GPM6A: variants seen among roughly 807,000 people sequenced by gnomAD.
GPM6A encodes the protein neuronal membrane glycoprotein M6-a.
In GPM6A, 7 loss-of-function variants were observed where a neutral mutation model predicts 32.1. The observed-to-expected ratio is 0.22, with a 90% CI of 0.12 to 0.41. The LOEUF is 0.41. Ranked by LOEUF, GPM6A falls within the 10% of genes least tolerant of loss-of-function variation. The probability of loss-of-function intolerance (pLI) is 1.00; values close to 1 mark genes in which losing one functional copy is unlikely to be tolerated. For synonymous variants in GPM6A, 130 were observed against 123.4 expected, an observed-to-expected ratio of 1.05 and a Z score of -0.35; for missense variants, 235 against 347.2, an observed-to-expected ratio of 0.68 and a Z score of 2.57.
At chr4:175,687,660 T>A (rs1744060765) in intron 2 of GPM6A, among the ~76,000 whole-genome samples, 1 of 152,176 alleles carries the variant, frequency 6.6e-6, no homozygotes, top group Non-Finnish European at 1.5e-5. Context: ...CTCTTCAAGA[T>A]CCTGATATGA....
intron 1 of GPM6A, among the ~76,000 whole-genome samples, chr4:175,984,030 C>G (rs1430214316): frequency 6.6e-6 from 1 of 151,982 alleles, no homozygotes; most frequent in African/African-American, 2.4e-5. Flanking sequence ...CTGTCACACA[C>G]ACACACACAC....
chr4:175,675,103 C>A (rs959300717), intron 2 of GPM6A, among the ~76,000 whole-genome samples: 1 of 151,992 alleles, frequency 6.6e-6, no homozygotes, highest in Non-Finnish European at 1.5e-5. Flanking sequence ...GAATGAAGAT[C>A]ATTTGCATTC....
At chr4:175,913,973 G>A (rs889411216) in intron 1 of GPM6A, among the ~76,000 whole-genome samples, 3 of 152,126 alleles carry the variant, frequency 2.0e-5, no homozygotes, top group African/African-American at 7.2e-5. Flanking sequence ...AAGTGTCTGA[G>A]ACAGGTCTCA....
intron 2 of GPM6A, among the ~76,000 whole-genome samples, chr4:175,695,015 G>C (rs914272985): frequency 1.3e-5 from 2 of 152,192 alleles, no homozygotes; most frequent in African/African-American, 4.8e-5. Context: ...TGCTTCAGAG[G>C]GTGCAAACCA....
At chr4:175,637,972 C>T (rs1375182111) in intron 6 of GPM6A, among the ~76,000 whole-genome samples, 1 of 142,426 alleles carries the variant, frequency 7.0e-6, no homozygotes, top group African/African-American at 2.6e-5. Context: ...CCTCATGGTT[C>T]TTACAAGCAT....
At chr4:175,731,858 A>G (rs1182489978) in intron 1 of GPM6A, among the ~76,000 whole-genome samples, 1 of 151,984 alleles carries the variant, frequency 6.6e-6, no homozygotes, top group Non-Finnish European at 1.5e-5. Flanking sequence ...CTCCTCATGC[A>G]TGACAGGGAT....
At chr4:175,669,958 A>G (rs77972086) in intron 3 of GPM6A, among the ~76,000 whole-genome samples, 2,115 of 152,132 alleles carry the variant, frequency 0.014, 47 homozygotes, top group South Asian at 0.1. Flanking sequence ...AGCCAACCAG[A>G]AGGTAGGGGA....
At chr4:175,813,731 G>T (rs1560947479), upstream of GPM6A, among the ~76,000 whole-genome samples, 1 of 152,172 alleles carries the variant, frequency 6.6e-6, no homozygotes, top group Non-Finnish European at 1.5e-5. Flanking sequence ...GTAGCATGCT[G>T]CACATCACCC....
At chr4:175,665,443 C>G (rs922268987) in intron 3 of GPM6A, among the ~76,000 whole-genome samples, 1 of 151,848 alleles carries the variant, frequency 6.6e-6, no homozygotes, top group Non-Finnish European at 1.5e-5. Flanking sequence ...TTTATTTTTT[C>G]AATTGAAAAC....
intron 2 of GPM6A, among the ~76,000 whole-genome samples, chr4:175,692,739 C>T (rs2111040688): frequency 6.6e-6 from 1 of 151,712 alleles, no homozygotes; most frequent in East Asian, 1.9e-4. Flanking sequence ...TCCTTCTTAC[C>T]CCATGATAAA....
intron 1 of GPM6A, among the ~76,000 whole-genome samples, chr4:175,705,536 G>GC (rs1485976898): frequency 6.6e-6 from 1 of 152,256 alleles, no homozygotes; most frequent in East Asian, 1.9e-4. Context: ...GGGAAGCAGC[G>GC]CATTATTTCA....
chr4:175,935,221 C>T (rs1163633770), intron 1 of GPM6A, among the ~76,000 whole-genome samples: 1 of 152,186 alleles, frequency 6.6e-6, no homozygotes, highest in Non-Finnish European at 1.5e-5. Context: ...ACCTGTTCTA[C>T]TGCTTCAAAA....
At chr4:175,736,961 T>C (rs1180827775) in intron 1 of GPM6A, among the ~76,000 whole-genome samples, 1 of 152,220 alleles carries the variant, frequency 6.6e-6, no homozygotes, top group Admixed American at 6.5e-5. Flanking sequence ...CCACTAGTAG[T>C]GTAAAAGTAT....
chr4:175,854,689 A>T (rs575470623), intron 1 of GPM6A, among the ~76,000 whole-genome samples: 24 of 152,332 alleles, frequency 1.6e-4, no homozygotes, highest in African/African-American at 4.8e-4. Context: ...GTGAGTTGAA[A>T]GATTGAACGG....
At chr4:175,903,292 A>G (rs1738026567) in intron 1 of GPM6A, among the ~76,000 whole-genome samples, 1 of 152,160 alleles carries the variant, frequency 6.6e-6, no homozygotes. Flanking sequence ...ATTGAAAAAA[A>G]AAGAATCAAT....
At chr4:175,920,499 G>T (rs1012961320) in intron 1 of GPM6A, among the ~76,000 whole-genome samples, 3 of 152,158 alleles carry the variant, frequency 2.0e-5, no homozygotes, top group Non-Finnish European at 4.4e-5. Flanking sequence ...TGGTTATTTA[G>T]TCACTTACTG....
chr4:175,668,033 A>G (rs953034280), intron 3 of GPM6A, among the ~76,000 whole-genome samples: 1 of 152,202 alleles, frequency 6.6e-6, no homozygotes, highest in East Asian at 1.9e-4. Flanking sequence ...TGTATTTTAA[A>G]ATCTAAACTA....
chr4:175,759,915 C>T (rs1036989474), intron 1 of GPM6A, among the ~76,000 whole-genome samples: 1 of 152,164 alleles, frequency 6.6e-6, no homozygotes, highest in South Asian at 2.1e-4. Flanking sequence ...TGCAGTGGCT[C>T]ACGCATGTAA....
At chr4:175,918,251 G>A (rs1453815656) in intron 1 of GPM6A, among the ~76,000 whole-genome samples, 1 of 152,096 alleles carries the variant, frequency 6.6e-6, no homozygotes, top group East Asian at 1.9e-4. Context: ...AAACATTGGA[G>A]AAACTACAAA....
Sources: allele counts gnomAD v4.1 joint callset (sites outside exome capture counted in the v4.1 genomes callset), GRCh38; gene constraint gnomAD v4.1.1; transcripts MANE v1.5; gene names NCBI Gene and HGNC (gene_info 2026-07-23, HGNC 2026-07-21).